Variants in LRMDA observed in about 807,000 individuals in gnomAD.
The protein encoded by LRMDA is leucine-rich melanocyte differentiation-associated protein.
In LRMDA, 18 loss-of-function variants were observed where a neutral mutation model predicts 29.8. The observed-to-expected ratio is 0.60, with a 90% confidence interval of 0.42 to 0.90. The LOEUF (loss-of-function observed/expected upper bound fraction) is 0.90. Among genes scored for constraint, LRMDA ranks in the 40% least tolerant of loss-of-function variants. LRMDA has a pLI of 0.00. For missense variants in LRMDA, 273 were observed against 273.9 expected (o/e 1.00, Z 0.02); for synonymous variants, 125 against 109.4 (o/e 1.14, Z -0.89).
intron 6 of LRMDA, among the ~76,000 whole-genome samples, chr10:76,539,676 T>A (rs1843331406): frequency 6.6e-6 from 1 of 152,178 alleles, no homozygotes. Context: ...CCTGACCTCC[T>A]TCAGTCAAGT....
intron 2 of LRMDA, among the ~76,000 whole-genome samples, chr10:75,733,898 G>A (rs1408495412): frequency 1.3e-5 from 2 of 152,186 alleles, no homozygotes; most frequent in Admixed American, 6.5e-5. Flanking sequence ...CCTAAAGGAG[G>A]TGAAGAAATG....
chr10:76,304,204 C>T (rs561331492), intron 5 of LRMDA, among the ~76,000 whole-genome samples: 67 of 152,240 alleles, frequency 4.4e-4, no homozygotes, highest in African/African-American at 1.6e-3. Flanking sequence ...GAAAGCTGAG[C>T]CAAGCAGGTG....
intron 5 of LRMDA, among the ~76,000 whole-genome samples, chr10:76,184,572 GT>G (rs1403284847): frequency 6.6e-6 from 1 of 152,216 alleles, no homozygotes; most frequent in Non-Finnish European, 1.5e-5. Context: ...GCAGGAAAAA[GT>G]AATATTCTGG....
intron 5 of LRMDA, among the ~76,000 whole-genome samples, chr10:76,129,541 T>C (rs898718242): frequency 2.0e-5 from 3 of 152,162 alleles, no homozygotes; most frequent in Non-Finnish European, 2.9e-5. Flanking sequence ...CCCTAGAGGA[T>C]GTGCACATGG....
chr10:75,680,850 A>G (rs931954334), intron 2 of LRMDA, among the ~76,000 whole-genome samples: 1 of 152,168 alleles, frequency 6.6e-6, no homozygotes, highest in Non-Finnish European at 1.5e-5. Context: ...TCTCTATTAA[A>G]AAAAGTTTTC....
chr10:75,951,806 G>T (rs2132420557), intron 2 of LRMDA, among the ~76,000 whole-genome samples: 1 of 152,288 alleles, frequency 6.6e-6, no homozygotes, highest in South Asian at 2.1e-4. Flanking sequence ...CCTTTGAAAA[G>T]CTTAAGAAGG....
At chr10:75,931,156 A>G (rs901963695) in intron 2 of LRMDA, among the ~76,000 whole-genome samples, 3 of 152,170 alleles carry the variant, frequency 2.0e-5, no homozygotes, top group Non-Finnish European at 4.4e-5. Flanking sequence ...GAAAAACCTG[A>G]GTATCTCTCC....
chr10:75,782,944 AT>A, intron 2 of LRMDA: 1 of 1,613,688 alleles, frequency 6.2e-7, no homozygotes, highest in Non-Finnish European at 8.5e-7. Context: ...GCCATCAAGA[AT>A]TTGAATGTCA....
chr10:76,004,064 G>T (rs1189445843), intron 2 of LRMDA, among the ~76,000 whole-genome samples: 1 of 152,182 alleles, frequency 6.6e-6, no homozygotes, highest in African/African-American at 2.4e-5. Context: ...AATGAACAAT[G>T]AATGAATAAA....
At chr10:76,053,366 C>T (rs546244974) in intron 4 of LRMDA, among the ~76,000 whole-genome samples, 25 of 152,160 alleles carry the variant, frequency 1.6e-4, no homozygotes, top group East Asian at 5.8e-4. Context: ...CTTTAGGATA[C>T]GGCTGTGATA....
chr10:76,214,329 A>AATAT (rs200197654), intron 5 of LRMDA, among the ~76,000 whole-genome samples: 2 of 131,736 alleles, frequency 1.5e-5, no homozygotes, highest in Non-Finnish European at 1.5e-5. Context: ...ACTTGAACCA[A>AATAT]ATTTTTTTTT....
intron 6 of LRMDA, among the ~76,000 whole-genome samples, chr10:76,437,099 G>A (rs1240287597): frequency 3.3e-5 from 5 of 152,106 alleles, no homozygotes; most frequent in South Asian, 2.1e-4. Context: ...CTTTGAACTT[G>A]CATAGTCTAA....
chr10:75,966,849 C>CGAG (rs1846869430), intron 2 of LRMDA, among the ~76,000 whole-genome samples: 2 of 152,166 alleles, frequency 1.3e-5, no homozygotes, highest in Non-Finnish European at 2.9e-5. Context: ...TAATGCCCTG[C>CGAG]GAGGCTATTA....
At chr10:75,590,210 G>T (rs1462011638) in intron 2 of LRMDA, among the ~76,000 whole-genome samples, 1 of 151,792 alleles carries the variant, frequency 6.6e-6, no homozygotes, top group African/African-American at 2.4e-5. Flanking sequence ...TATAGGTGGG[G>T]GTCTCACTAA....
At chr10:75,536,954 C>T (rs73275575) in intron 2 of LRMDA, among the ~76,000 whole-genome samples, 3,826 of 152,136 alleles carry the variant, frequency 0.025, 174 homozygotes, top group African/African-American at 0.087. Context: ...ATCCCCCATA[C>T]CACCCATCGT....
chr10:76,298,661 G>A (rs1385669069), intron 5 of LRMDA, among the ~76,000 whole-genome samples: 2 of 152,154 alleles, frequency 1.3e-5, no homozygotes, highest in Non-Finnish European at 1.5e-5. Context: ...CTTGAAGAGT[G>A]AATAGAATTT....
At chr10:75,612,878 T>TG (rs1841050035) in intron 2 of LRMDA, among the ~76,000 whole-genome samples, 1 of 151,748 alleles carries the variant, frequency 6.6e-6, no homozygotes, top group South Asian at 2.1e-4. Flanking sequence ...TTAACTTTGG[T>TG]GGGGAAAAAA....
chr10:76,187,120 G>A (rs368531799), intron 5 of LRMDA, among the ~76,000 whole-genome samples: 6 of 152,048 alleles, frequency 3.9e-5, no homozygotes, highest in East Asian at 1.9e-4. Context: ...CAGGAAGGCC[G>A]TCAAGAAAGG....
At chr10:76,321,938 C>G (rs1840776592) in intron 5 of LRMDA, among the ~76,000 whole-genome samples, 1 of 146,480 alleles carries the variant, frequency 6.8e-6, no homozygotes, top group African/African-American at 2.7e-5. Flanking sequence ...GAGTGAGATT[C>G]TGTCTCAACA....
Sources: allele counts gnomAD v4.1 joint callset (sites outside exome capture counted in the v4.1 genomes callset), GRCh38; gene constraint gnomAD v4.1.1; transcripts MANE v1.5; gene names NCBI Gene and HGNC (gene_info 2026-07-23, HGNC 2026-07-21).